Variants in CALN1 observed in about 807,000 individuals in gnomAD.
The protein encoded by CALN1 is calcium-binding protein 8.
A neutral mutation model predicts 30.6 loss-of-function variants in CALN1; 17 were observed. The observed-to-expected ratio is 0.56, with a 90% confidence interval of 0.38 to 0.83. The LOEUF is 0.83. Among genes scored for constraint, CALN1 ranks in the 40% least tolerant of loss-of-function variants. The pLI is 0.00. For missense variants in CALN1, 291 were observed against 354.9 expected (o/e 0.82, Z 1.45); for synonymous variants, 156 against 131.4 (o/e 1.19, Z -1.28).
chr7:72,466,239 T>G, the CALN1 span, among the ~76,000 whole-genome samples: 2 of 151,484 alleles, frequency 1.3e-5, no homozygotes, highest in African/African-American at 2.4e-5. Context: ...TTGAGATGTG[T>G]GGTGTGTGTG....
At chr7:72,338,527 G>GTGTGTGTGTGTGTGTCTC (rs1190799242) in intron 2 of CALN1, among the ~76,000 whole-genome samples, 1 of 144,486 alleles carries the variant, frequency 6.9e-6, no homozygotes, top group African/African-American at 2.7e-5. Context: ...GTGTGTGTGT[G>GTGTGTGTGTGTGTGTCTC]TCTCACCTGG....
At chr7:71,928,406 G>C (rs1305067044) in intron 5 of CALN1, among the ~76,000 whole-genome samples, 2 of 151,080 alleles carry the variant, frequency 1.3e-5, no homozygotes, top group East Asian at 3.9e-4. Context: ...CAATTGCCCT[G>C]GGGCTTCAAT....
At chr7:71,828,367 A>C (rs1166521433) in intron 5 of CALN1, among the ~76,000 whole-genome samples, 1 of 152,126 alleles carries the variant, frequency 6.6e-6, no homozygotes, top group African/African-American at 2.4e-5. Flanking sequence ...AGAACCTATA[A>C]ATGGGTTACC....
intron 5 of CALN1, among the ~76,000 whole-genome samples, chr7:72,013,113 A>T (rs529320984): frequency 6.6e-6 from 1 of 152,032 alleles, no homozygotes; most frequent in Non-Finnish European, 1.5e-5. Flanking sequence ...TTATACTCTC[A>T]TATCAACTTT....
upstream of CALN1, among the ~76,000 whole-genome samples, chr7:72,415,452 A>T (rs1225416655): frequency 1.3e-5 from 2 of 152,262 alleles, no homozygotes; most frequent in Admixed American, 1.3e-4. Flanking sequence ...GCTATGAGTG[A>T]GTATGGCCCG....
intron 2 of CALN1, among the ~76,000 whole-genome samples, chr7:72,304,153 T>C (rs1349932085): frequency 6.6e-6 from 1 of 152,206 alleles, no homozygotes; most frequent in East Asian, 1.9e-4. Flanking sequence ...TCCAAAGGTA[T>C]GGTTTCAAGT....
At chr7:71,916,233 C>T (rs1028316494) in intron 5 of CALN1, among the ~76,000 whole-genome samples, 2 of 151,904 alleles carry the variant, frequency 1.3e-5, no homozygotes, top group African/African-American at 2.4e-5. Flanking sequence ...GCGATATAAA[C>T]ATATCTGTTA....
chr7:71,803,973 CGT>C (rs1787459946), intron 6 of CALN1, among the ~76,000 whole-genome samples: 1 of 145,028 alleles, frequency 6.9e-6, no homozygotes, highest in East Asian at 1.9e-4. Flanking sequence ...TGTGTGTGTG[CGT>C]GCATGTGTCT....
intron 5 of CALN1, among the ~76,000 whole-genome samples, chr7:71,965,793 C>T (rs2129525737): frequency 1.3e-5 from 2 of 152,254 alleles, no homozygotes; most frequent in South Asian, 4.1e-4. Context: ...TGTTCTGGGG[C>T]ATAAAAAGAT....
intron 3 of CALN1, among the ~76,000 whole-genome samples, chr7:72,201,533 G>C (rs937599378): frequency 3.3e-5 from 5 of 151,930 alleles, no homozygotes; most frequent in African/African-American, 1.2e-4. Context: ...AAAGGCTGCA[G>C]TGAGCTGAGA....
chr7:72,454,609 C>T, the CALN1 span, among the ~76,000 whole-genome samples: 1 of 152,284 alleles, frequency 6.6e-6, no homozygotes, highest in South Asian at 2.1e-4. Context: ...GAGAACAAAA[C>T]AGAAGTATTC....
chr7:72,373,111 A>G (rs995611278), intron 2 of CALN1, among the ~76,000 whole-genome samples: 2 of 152,206 alleles, frequency 1.3e-5, no homozygotes, highest in African/African-American at 2.4e-5. Flanking sequence ...AATAACCAAA[A>G]TTTAAAAAAC....
At chr7:71,957,512 C>A (rs1797019860) in intron 5 of CALN1, among the ~76,000 whole-genome samples, 1 of 152,190 alleles carries the variant, frequency 6.6e-6, no homozygotes, top group Non-Finnish European at 1.5e-5. Context: ...TCTTTCTCTA[C>A]CCCATTACGA....
chr7:71,943,402 CAT>C (rs1796236962), intron 5 of CALN1, among the ~76,000 whole-genome samples: 1 of 152,110 alleles, frequency 6.6e-6, no homozygotes, highest in Non-Finnish European at 1.5e-5. Context: ...TTCACATATC[CAT>C]GCCTCTGTTT....
At chr7:71,904,581 A>G (rs1300092974) in intron 5 of CALN1, among the ~76,000 whole-genome samples, 4 of 152,196 alleles carry the variant, frequency 2.6e-5, no homozygotes, top group Admixed American at 6.5e-5. Context: ...TACTGGTGAA[A>G]GAACACATAA....
intron 3 of CALN1, among the ~76,000 whole-genome samples, chr7:72,170,501 A>G (rs1461603033): frequency 4.6e-5 from 7 of 152,198 alleles, no homozygotes; most frequent in Non-Finnish European, 1.0e-4. Flanking sequence ...GTGAATGACC[A>G]TTTTTACATA....
rs191403343 is a variant in CALN1, at chr7:72,230,196, G to T, written c.244+48490C>A. Among the ~76,000 whole-genome samples the T allele has an allele frequency of 2.2e-3, 334 of 151,990 alleles. 3 individuals are homozygous for T. The highest frequency in any genetic ancestry group is 0.017 in the Middle Eastern group (5 of 292). On this transcript the variant is annotated intron_variant, in intron 3 of 6. Coordinates refer to ENST00000395275, the MANE Select transcript of CALN1 (RefSeq NM_031468.4). Reference sequence around the variant, plus strand: ...CCTAGATGACAGGTTGATAGGTGCAGCAAACCACCATGGCACATGTATACC... The same window carrying T: ...CCTAGATGACAGGTTGATAGGTGCATCAAACCACCATGGCACATGTATACC...
At chr7:72,145,500 G>C (rs1403416801) in intron 3 of CALN1, among the ~76,000 whole-genome samples, 8 of 152,140 alleles carry the variant, frequency 5.3e-5, no homozygotes, top group Non-Finnish European at 1.2e-4. Flanking sequence ...ACCAAAAAAA[G>C]TCCAGGACCA....
At chr7:72,467,342 G>A in the CALN1 span, among the ~76,000 whole-genome samples, 10 of 152,318 alleles carry the variant, frequency 6.6e-5, no homozygotes, top group South Asian at 2.1e-4. Flanking sequence ...GCCCTGGCCC[G>A]TCCTTGGAGC....
Sources: allele counts gnomAD v4.1 joint callset (sites outside exome capture counted in the v4.1 genomes callset), GRCh38; gene constraint gnomAD v4.1.1; transcripts MANE v1.5; gene names NCBI Gene and HGNC (gene_info 2026-07-23, HGNC 2026-07-21).